Variants in TECRL observed in about 807,000 individuals in gnomAD.
TECRL encodes trans-2,3-enoyl-CoA reductase like, also known as trans-2,3-enoyl-CoA reductase-like.
In TECRL, 63 loss-of-function variants were observed where a neutral mutation model predicts 52.8. The ratio of observed to expected loss-of-function variants is 1.19; its 90% CI spans 0.97 to 1.47. The LOEUF (loss-of-function observed/expected upper bound fraction) is 1.47, where lower values mean the gene tolerates loss of function less well. Ranked by LOEUF, TECRL falls within the 40% of genes most tolerant of loss-of-function variation. The probability of loss-of-function intolerance (pLI) is 0.00; values close to 1 mark genes in which losing one functional copy is unlikely to be tolerated. For synonymous variants in TECRL, 164 were observed against 141.9 expected, an observed-to-expected ratio of 1.16 and a Z score of -1.10; for missense variants, 482 against 429.6, an observed-to-expected ratio of 1.12 and a Z score of -1.08.
At chr4:64,356,363 A>T (rs541491960) in intron 2 of TECRL, among the ~76,000 whole-genome samples, 2 of 152,094 alleles carry the variant, frequency 1.3e-5, no homozygotes, top group African/African-American at 4.8e-5. Context: ...GAGGAAGGCC[A>T]CTGTCTCTTG....
At chr4:64,281,597 C>T (rs749235843) in intron 9 of TECRL, 38 bp from the exon 10 acceptor site, 1 of 1,110,574 alleles carries the variant, frequency 9.0e-7, no homozygotes, top group South Asian at 1.3e-5. Context: ...TGATGCTACA[C>T]ATTGCAAATC....
At chr4:64,288,503 A>T (rs761885386) in intron 9 of TECRL, among the ~76,000 whole-genome samples, 1 of 152,148 alleles carries the variant, frequency 6.6e-6, no homozygotes, top group African/African-American at 2.4e-5. Context: ...TATATATATA[A>T]AAGTCATTTT....
chr4:64,344,226 G>T (rs1719788975), intron 2 of TECRL, among the ~76,000 whole-genome samples: 1 of 151,568 alleles, frequency 6.6e-6, no homozygotes, highest in African/African-American at 2.4e-5. Context: ...CATATAAGAT[G>T]ATACAAATAT....
chr4:64,313,583 A>G lies in TECRL; in HGVS notation c.551+1065T>C, dbSNP rs372907043. On this transcript the variant is annotated intron_variant, in intron 5 of 11. Coordinates refer to ENST00000381210, the MANE Select transcript of TECRL (RefSeq NM_001010874.5). Reference sequence around the variant, plus strand: ...TGCAAGCTCCACCTCCCGGGTTCACACCATTCTCCTGCCTCAGCCTCCCGA... The same window carrying G: ...TGCAAGCTCCACCTCCCGGGTTCACGCCATTCTCCTGCCTCAGCCTCCCGA... Among the ~76,000 whole-genome samples the G allele has an allele frequency of 5.0e-5, 7 of 139,400 alleles. No individual in the cohort carries two copies. In the South Asian group the frequency reaches 1.1e-3, roughly 23 times the overall value. The allele number at this position is 139,400 out of a possible 152,430, so 91.5% of individuals were successfully genotyped here.
At chr4:64,369,119 G>A (rs1370842255) in intron 2 of TECRL, among the ~76,000 whole-genome samples, 2 of 152,100 alleles carry the variant, frequency 1.3e-5, no homozygotes, top group East Asian at 1.9e-4. Context: ...TAGATAACAC[G>A]AAAGTCATGG....
At chr4:64,314,466 C>T (rs1406737217) in intron 5 of TECRL, among the ~76,000 whole-genome samples, 182 bp downstream of exon 5, 1 of 152,138 alleles carries the variant, frequency 6.6e-6, no homozygotes, top group Non-Finnish European at 1.5e-5. Context: ...AGCTGGTGTA[C>T]ATACACTATG....
In TECRL at chr4:64,351,879, C is replaced by T. The variant is rs116745457; in HGVS notation, c.286+23293G>A. ...TAATTCAGTATAGAGCAAAATATGC[C>T]TAATACCAATCCATTGAATGCCTTA... On this transcript the variant is annotated intron_variant, in intron 2 of 11. Coordinates refer to ENST00000381210, the MANE Select transcript of TECRL (RefSeq NM_001010874.5). 7.8e-3 allele frequency among the ~76,000 whole-genome samples: 1,183 copies of T among 152,226 alleles called. 17 individuals are homozygous for T. Among genetic ancestry groups the T allele is most frequent in the African/African-American group, 0.027 (1,109 of 41,536 alleles).
chr4:64,288,953 C>G (rs1175826867), intron 9 of TECRL, among the ~76,000 whole-genome samples: 1 of 152,156 alleles, frequency 6.6e-6, no homozygotes, highest in Non-Finnish European at 1.5e-5. Context: ...CCTGACCTCT[C>G]ACTAACTGAC....
intron 2 of TECRL, among the ~76,000 whole-genome samples, chr4:64,343,275 T>G (rs936536561): frequency 6.6e-6 from 1 of 152,120 alleles, no homozygotes; most frequent in Non-Finnish European, 1.5e-5. Flanking sequence ...GTGTTTATGT[T>G]GTATAGTTTG....
chr4:64,383,532 G>A (rs1316249937), intron 1 of TECRL, among the ~76,000 whole-genome samples: 1 of 151,700 alleles, frequency 6.6e-6, no homozygotes, highest in African/African-American at 2.4e-5. Context: ...GCTTGATCTA[G>A]TCTATTGTGG....
At chr4:64,390,115 C>A (rs1723448597) in intron 1 of TECRL, among the ~76,000 whole-genome samples, 1 of 152,022 alleles carries the variant, frequency 6.6e-6, no homozygotes, top group East Asian at 1.9e-4. Context: ...TCTCACTTAT[C>A]TGGCTTAGAA....
At chr4:64,365,751 A>G (rs1290094066) in intron 2 of TECRL, among the ~76,000 whole-genome samples, 4 of 152,038 alleles carry the variant, frequency 2.6e-5, no homozygotes, top group Non-Finnish European at 5.9e-5. Flanking sequence ...AACAAAAAAA[A>G]ATTACATGCT....
chr4:64,304,005 A>G (rs141430507), intron 7 of TECRL, among the ~76,000 whole-genome samples: 2 of 152,000 alleles, frequency 1.3e-5, no homozygotes, highest in African/African-American at 4.8e-5. Context: ...TATTAAAGCC[A>G]CAAAATAATG....
rs1230352678 is a variant in TECRL at position 64,300,031 on chromosome 4, A to G, written c.731-14T>C. 2 of 1,566,916 alleles carry G rather than the reference A, an allele frequency of 1.3e-6. No homozygotes were observed. Among genetic ancestry groups the G allele is most frequent in the African/African-American group, 1.4e-5 (1 of 73,500 alleles). ...TGTTTCCAAATGCTGGAGAGTAGAA[A>G]AAGAATATGTCATGCAGATACTCAT... On this transcript the variant is annotated splice_polypyrimidine_tract_variant and intron_variant, in intron 7 of 11. Transcript: ENST00000381210.
chr4:64,311,733 T>G, intron 5 of TECRL, among the ~76,000 whole-genome samples: 1 of 152,318 alleles, frequency 6.6e-6, no homozygotes, highest in Non-Finnish European at 1.5e-5. Context: ...TTCAAAATAT[T>G]ATTATTCTAT....
chr4:64,338,177 A>G (rs1036899303), intron 2 of TECRL, among the ~76,000 whole-genome samples: 4 of 152,122 alleles, frequency 2.6e-5, no homozygotes, highest in Admixed American at 2.0e-4. Flanking sequence ...AACAAGAAAT[A>G]GGGAAAGGAT....
At chr4:64,372,557 T>C (rs1172854829) in intron 2 of TECRL, among the ~76,000 whole-genome samples, 2 of 151,652 alleles carry the variant, frequency 1.3e-5, no homozygotes, top group African/African-American at 2.4e-5. Context: ...AACATTAAGA[T>C]TGTCACTGTA....
intron 5 of TECRL, among the ~76,000 whole-genome samples, chr4:64,312,109 C>T (rs762120106): frequency 3.3e-5 from 5 of 152,096 alleles, no homozygotes; most frequent in Admixed American, 2.6e-4. Context: ...TGTGGTGGTT[C>T]GGTCACATAT....
At chr4:64,317,281 AAAAAAAAG>A (rs1577861123) in intron 4 of TECRL, among the ~76,000 whole-genome samples, 3 of 152,024 alleles carry the variant, frequency 2.0e-5, no homozygotes, top group Admixed American at 6.6e-5. Flanking sequence ...TCCGTCTCCA[AAAAAAAAG>A]AAAAAAAGAA....
Sources: gnomAD v4.1 joint callset for allele counts (sites outside exome capture counted in the v4.1 genomes callset) on GRCh38, gnomAD v4.1.1 for gene constraint, MANE v1.5 for transcripts, NCBI Gene and HGNC (gene_info 2026-07-23, HGNC 2026-07-21) for gene names.